The following SPECC1 variants were observed in gnomAD, a reference collection of about 807,000 sequenced individuals.
SPECC1 encodes the protein cytospin-B.
A neutral mutation model predicts 104.1 loss-of-function variants in SPECC1; 62 were observed. The ratio of observed to expected loss-of-function variants is 0.60; its 90% CI spans 0.49 to 0.74. The LOEUF is 0.74. Among genes scored for constraint, SPECC1 ranks in the 30% least tolerant of loss-of-function variants. The pLI is 0.00. For missense variants in SPECC1, 1,306 were observed against 1,310.5 expected (o/e 1.00, Z 0.05); for synonymous variants, 513 against 501.6 (o/e 1.02, Z -0.30).
Position 20,237,139 on chromosome 17 carries a change from C to T in SPECC1, c.2351+4734C>T, listed in dbSNP as rs2038962358. 2.2e-6 allele frequency: 3 copies of T among 1,369,298 alleles called. No homozygotes were observed. In the South Asian group the frequency reaches 4.8e-5, roughly 22 times the overall value. 84.8% of individuals were successfully genotyped at this position (1,369,298 alleles called of 1,614,324 possible). On this transcript the variant is annotated intron_variant, in intron 7 of 14. Transcript: ENST00000395527. The stretch of plus-strand genomic sequence containing the variant: ...ACTTTTCCTCAGAAGATTGAGCTGT[C>T]TTTTATTTGGAGAATAAAATGAAGT...
Position 20,235,516 on chromosome 17 carries a change from C to G in SPECC1, c.2351+3111C>G, listed in dbSNP as rs540064975. Reference sequence around the variant, plus strand: ...GGACCTGGCAAAAACAGAAAAAACACAGGCAGCTCAATGTAATGATATATT... The same window carrying G: ...GGACCTGGCAAAAACAGAAAAAACAGAGGCAGCTCAATGTAATGATATATT... On this transcript the variant is annotated intron_variant, in intron 7 of 14. Transcript: ENST00000395527. Among the ~76,000 whole-genome samples the G allele has an allele frequency of 1.1e-4, 17 of 152,238 alleles. No individual in the cohort carries two copies. In the South Asian group the frequency reaches 3.1e-3, roughly 28 times the overall value.
intron 13 of SPECC1, among the ~76,000 whole-genome samples, chr17:20,304,269 G>A (rs1313967102): frequency 6.6e-6 from 1 of 152,112 alleles, no homozygotes; most frequent in Non-Finnish European, 1.5e-5. Context: ...CAGCCTGGGT[G>A]ACAGGGCGAG....
chr17:20,125,022 T>C (rs1355249812), intron 3 of SPECC1, among the ~76,000 whole-genome samples: 1 of 151,942 alleles, frequency 6.6e-6, no homozygotes, highest in Non-Finnish European at 1.5e-5. Context: ...CTACTAAAAA[T>C]ACAAAAAATC....
At chr17:20,175,992 A>G (rs1312218513) in intron 3 of SPECC1, among the ~76,000 whole-genome samples, 1 of 152,244 alleles carries the variant, frequency 6.6e-6, no homozygotes, top group Non-Finnish European at 1.5e-5. Flanking sequence ...GATTTAAACT[A>G]TATTCAGCCC....
intron 13 of SPECC1, among the ~76,000 whole-genome samples, chr17:20,301,701 TTTG>T (rs1013474124): frequency 2.0e-5 from 3 of 151,994 alleles, no homozygotes; most frequent in Non-Finnish European, 2.9e-5. Context: ...ATTTTGTCAT[TTTG>T]TTGTTGTTGT....
chr17:20,088,062 C>T (rs2047245879), intron 1 of SPECC1, among the ~76,000 whole-genome samples: 2 of 151,938 alleles, frequency 1.3e-5, no homozygotes, highest in South Asian at 4.1e-4. Flanking sequence ...CCACATGAAG[C>T]ACAGTGAGCA....
intron 7 of SPECC1, chr17:20,238,161 TAGA>T (rs2039021952): frequency 9.7e-7 from 1 of 1,032,768 alleles, no homozygotes; most frequent in African/African-American, 1.7e-5. Flanking sequence ...TAAACATAAG[TAGA>T]AGTTTGATCA....
chr17:20,071,594 G>A (rs1193302576), intron 1 of SPECC1, among the ~76,000 whole-genome samples: 2 of 152,192 alleles, frequency 1.3e-5, no homozygotes, highest in African/African-American at 2.4e-5. Context: ...CGTTGGGAGA[G>A]CATGGTATGC....
At chr17:20,085,694 C>A (rs1270423546) in intron 1 of SPECC1, among the ~76,000 whole-genome samples, 2 of 152,232 alleles carry the variant, frequency 1.3e-5, no homozygotes, top group Admixed American at 6.5e-5. Flanking sequence ...AAGAAAATCT[C>A]AGGAATGCGA....
chr17:20,051,669 T>G (rs1240571085), intron 1 of SPECC1, among the ~76,000 whole-genome samples: 1 of 152,206 alleles, frequency 6.6e-6, no homozygotes. Flanking sequence ...GGTACTGATA[T>G]TCAGCAGACA....
At chr17:20,021,660 GAT>G (rs34412987) in intron 1 of SPECC1, among the ~76,000 whole-genome samples, 1 of 140,640 alleles carries the variant, frequency 7.1e-6, no homozygotes. Context: ...CCAAGGCTCT[GAT>G]ATATATATAT....
At position 20,227,605 on chromosome 17, in the gene SPECC1, A is replaced by G. The variant is rs201279607; in HGVS notation, c.2056A>G (p.Ile686Val). The G allele has an allele frequency of 6.2e-7, 1 of 1,606,210 alleles. No individual in the cohort carries two copies. The highest frequency in any genetic ancestry group is 2.2e-5 in the East Asian group (1 of 44,806). ...TGTCAAGTTACACAATAATCAACTC[A>G]TCAGTGAGCTAGAAAGTAAGTGGGG... Reference protein sequence around the residue: ...RAVKLHNNQLISELESSVIKL... With the variant: ...RAVKLHNNQLVSELESSVIKL... The change falls in exon 5 of 15, where the codon ATC (isoleucine) becomes GTC (valine). Residue 686 changes from isoleucine (I) to valine (V), a missense_variant. This residue lies in a region of SPECC1 where 1,177 missense variants were observed against 1,139.9 expected (regional missense o/e 1.03). Coordinates refer to ENST00000395527, the MANE Select transcript of SPECC1 (RefSeq NM_001243439.2).
At chr17:20,038,829 G>T (rs1381726108) in intron 1 of SPECC1, among the ~76,000 whole-genome samples, 1 of 152,214 alleles carries the variant, frequency 6.6e-6, no homozygotes, top group Non-Finnish European at 1.5e-5. Flanking sequence ...CAGTTTTCAA[G>T]TATTTGGAGG....
intron 4 of SPECC1, among the ~76,000 whole-genome samples, chr17:20,208,174 G>A (rs2036907053): frequency 6.6e-6 from 1 of 152,148 alleles, no homozygotes; most frequent in South Asian, 2.1e-4. Context: ...ACATCTTACT[G>A]CATGCTAACT....
chr17:20,264,398 C>T (rs1361844352), intron 12 of SPECC1, among the ~76,000 whole-genome samples: 2 of 151,060 alleles, frequency 1.3e-5, no homozygotes, highest in Non-Finnish European at 2.9e-5. Context: ...CCCTTCCTCC[C>T]TTGTCTAGTA....
At chr17:20,194,501 A>ATTTTTTTTTTTTTTTTTTTTTTTT (rs1567923485) in intron 3 of SPECC1, among the ~76,000 whole-genome samples, 1 of 68,130 alleles carries the variant, frequency 1.5e-5, no homozygotes, top group East Asian at 1.2e-3. Flanking sequence ...AAAGAGAACG[A>ATTTTTTTTTTTTTTTTTTTTTTTT]ATTTTTTTTT....
chr17:20,228,269 T>C (rs1293061900), intron 5 of SPECC1, among the ~76,000 whole-genome samples: 1 of 152,162 alleles, frequency 6.6e-6, no homozygotes, highest in Non-Finnish European at 1.5e-5. Context: ...TGTAGCTCAC[T>C]GCAGCCTCAA....
chr17:20,255,837 G>A (rs760475718), intron 10 of SPECC1, among the ~76,000 whole-genome samples: 33 of 151,916 alleles, frequency 2.2e-4, no homozygotes, highest in Non-Finnish European at 3.4e-4. Flanking sequence ...CTCCCAAAGC[G>A]CTGGGATTAC....
At chr17:20,260,678 C>T (rs1246547495) in intron 12 of SPECC1, among the ~76,000 whole-genome samples, 1 of 152,160 alleles carries the variant, frequency 6.6e-6, no homozygotes, top group Non-Finnish European at 1.5e-5. Context: ...GAGCTTATGC[C>T]CTTATCCCTC....
Sources: allele counts gnomAD v4.1 joint callset (sites outside exome capture counted in the v4.1 genomes callset), GRCh38; gene constraint gnomAD v4.1.1; regional missense constraint gnomAD v4.1.1; transcripts MANE v1.5; gene names NCBI Gene and HGNC (gene_info 2026-07-23, HGNC 2026-07-21).